DCHS2: variants seen among roughly 807,000 people sequenced by gnomAD.
The protein encoded by DCHS2 is dachsous cadherin-related 2.
DCHS2 carries 142 observed loss-of-function variants against 182.4 expected under a neutral mutation model. That is an observed-to-expected ratio of 0.78 (90% CI 0.68 to 0.89). The LOEUF is 0.89. Ranked by LOEUF, DCHS2 falls within the 40% of genes least tolerant of loss-of-function variation. The pLI is 0.00. For missense variants in DCHS2, 4,319 were observed against 4,198.6 expected (o/e 1.03, Z -0.79); for synonymous variants, 1,740 against 1,663.3 (o/e 1.05, Z -1.12).
At chr4:154,336,726 T>A (rs1489231917) in intron 3 of DCHS2, among the ~76,000 whole-genome samples, 1 of 152,190 alleles carries the variant, frequency 6.6e-6, no homozygotes, top group Non-Finnish European at 1.5e-5. Flanking sequence ...ATTTTCCTTT[T>A]TTCCCCAGCT....
chr4:154,387,492 A>G (rs1561083602), intron 1 of DCHS2, among the ~76,000 whole-genome samples: 1 of 152,212 alleles, frequency 6.6e-6, no homozygotes, highest in African/African-American at 2.4e-5. Context: ...GGCAAAGTAC[A>G]TGAGGAAAAA....
chr4:154,253,129 G>A (rs975773347), intron 16 of DCHS2, among the ~76,000 whole-genome samples: 1 of 151,812 alleles, frequency 6.6e-6, no homozygotes, highest in African/African-American at 2.4e-5. Context: ...AGAGCCCAGG[G>A]AGGAAGGAGG....
At chr4:154,313,149 G>A (rs1413517201) in intron 10 of DCHS2, among the ~76,000 whole-genome samples, 1 of 152,150 alleles carries the variant, frequency 6.6e-6, no homozygotes, top group African/African-American at 2.4e-5. Context: ...ACACCTTTGA[G>A]CGAATGTGAG....
chr4:154,428,444 C>T (rs1733423807), intron 1 of DCHS2, among the ~76,000 whole-genome samples: 1 of 151,868 alleles, frequency 6.6e-6, no homozygotes, highest in Non-Finnish European at 1.5e-5. Context: ...GAGGCAGAGG[C>T]AGGAGGATTG....
chr4:154,480,633 CAAATTACTG>C (rs1735883991), intron 1 of DCHS2, among the ~76,000 whole-genome samples: 2 of 152,070 alleles, frequency 1.3e-5, no homozygotes, highest in Non-Finnish European at 2.9e-5. Flanking sequence ...GCAATAATTA[CAAATTACTG>C]TAGTCATTTA....
At chr4:154,281,773 C>A (rs995729580) in intron 13 of DCHS2, among the ~76,000 whole-genome samples, 1 of 151,982 alleles carries the variant, frequency 6.6e-6, no homozygotes, top group Non-Finnish European at 1.5e-5. Flanking sequence ...TTACTGACTT[C>A]GAAACAGTTT....
intron 1 of DCHS2, among the ~76,000 whole-genome samples, chr4:154,466,512 C>T (rs1430720300): frequency 2.6e-5 from 4 of 152,164 alleles, no homozygotes; most frequent in African/African-American, 4.8e-5. Flanking sequence ...CCTCATCCCT[C>T]GAGACCGCTT....
chr4:154,259,496 A>G (rs1560991060), intron 15 of DCHS2, 49 bp downstream of exon 15: 2 of 1,583,688 alleles, frequency 1.3e-6, no homozygotes, highest in Admixed American at 3.5e-5. Context: ...TCACACAGAC[A>G]CACCCACACA....
intron 14 of DCHS2, among the ~76,000 whole-genome samples, chr4:154,266,721 T>C (rs549562766): frequency 1.3e-5 from 2 of 152,224 alleles, no homozygotes; most frequent in South Asian, 4.1e-4. Flanking sequence ...GTTATAATCC[T>C]GTGATCATAT....
At chr4:154,304,935 T>A (rs1425018961) in intron 11 of DCHS2, 57 bp from the exon 12 acceptor site, 1 of 1,538,652 alleles carries the variant, frequency 6.5e-7, no homozygotes, top group African/African-American at 1.4e-5. Context: ...ACCTAAAATA[T>A]GTTGTTCTAA....
At position 154,491,282 on chromosome 4, in the gene DCHS2, A is replaced by T; in HGVS notation, c.74T>A (p.Leu25His). 1 of 1,549,366 alleles carries T rather than the reference A, an allele frequency of 6.5e-7. No homozygotes were observed. The highest frequency in any genetic ancestry group is 8.7e-7 in the Non-Finnish European group (1 of 1,145,674). ...ATGGGGTGTATCTCTCCTCCCGGGG[A>T]GCAGAAGGAGCTTCCCGACCGGAGC... ...RRAPVGKLLL[L>H]PGRRDTPHGR... The change falls in exon 1 of 20, where the codon CTC becomes CAC. Residue 25 changes from leucine to histidine, a missense_variant. Coordinates refer to ENST00000357232, the MANE Select transcript of DCHS2 (RefSeq NM_001358235.2).
At chr4:154,373,907 TCATG>T in intron 2 of DCHS2, 1 of 1,593,988 alleles carries the variant, frequency 6.3e-7, no homozygotes, top group Non-Finnish European at 8.6e-7. Flanking sequence ...TATAGAAACA[TCATG>T]TTCCTTACCT....
At chr4:154,485,043 C>T (rs1363541567) in intron 1 of DCHS2, among the ~76,000 whole-genome samples, 1 of 152,186 alleles carries the variant, frequency 6.6e-6, no homozygotes, top group East Asian at 1.9e-4. Context: ...GCTCTACAAA[C>T]CACTTTCTAC....
intron 10 of DCHS2, among the ~76,000 whole-genome samples, chr4:154,307,431 A>ATG (rs1405070159): frequency 2.0e-4 from 17 of 83,180 alleles, no homozygotes; most frequent in African/African-American, 4.7e-4. Context: ...ACATACACAG[A>ATG]TGTGCGCGCG....
chr4:154,344,791 T>A lies in DCHS2; in HGVS notation c.2477-9687A>T, dbSNP rs569599623. ...CATCCCTGTGCAGCTGAGACTCAGG[T>A]GTCTCAGAGGATTAGTGCAGAGCTA... On this transcript the variant is annotated intron_variant, in intron 3 of 19. Transcript: ENST00000357232. Among the ~76,000 whole-genome samples the A allele has an allele frequency of 2.0e-5, 3 of 152,236 alleles. No homozygotes were observed. In the South Asian group the frequency reaches 6.2e-4, roughly 32 times the overall value.
intron 14 of DCHS2, among the ~76,000 whole-genome samples, chr4:154,265,691 T>A (rs539705918): frequency 3.3e-5 from 5 of 151,904 alleles, no homozygotes; most frequent in African/African-American, 7.2e-5. Context: ...AAGAGAGACA[T>A]AAAGTGATGT....
chr4:154,361,900 C>T lies in DCHS2; in HGVS notation c.2476+4310G>A, dbSNP rs76950183. 5.1e-3 allele frequency among the ~76,000 whole-genome samples: 775 copies of T among 151,572 alleles called. 3 individuals carry two copies. The highest frequency in any genetic ancestry group is 9.1e-3 in the Non-Finnish European group (621 of 67,900). On this transcript the variant is annotated intron_variant, in intron 3 of 19. Coordinates refer to ENST00000357232, the MANE Select transcript of DCHS2 (RefSeq NM_001358235.2). The stretch of plus-strand genomic sequence containing the variant: ...GAAAACACAAGCCTATAACAGAAAG[C>T]ATGTAAGTTTATAAAATAGCATGTC...
rs1395854210 is a variant in DCHS2 at position 154,370,093 on chromosome 4, C to T, written c.2245-3652G>A. ...GTGAGCTTTCTATGTCAATGAACTC[C>T]AGTCTATATTTCATGATTCAATAAA... On this transcript the variant is annotated intron_variant, in intron 2 of 19. Coordinates refer to ENST00000357232, the MANE Select transcript of DCHS2 (RefSeq NM_001358235.2). Among the ~76,000 whole-genome samples, 3 of 152,024 alleles carry T rather than the reference C, an allele frequency of 2.0e-5. No homozygotes were observed. In the East Asian group the frequency reaches 5.8e-4, roughly 29 times the overall value.
At chr4:154,378,811 C>T (rs1194434022) in intron 1 of DCHS2, among the ~76,000 whole-genome samples, 1 of 152,122 alleles carries the variant, frequency 6.6e-6, no homozygotes, top group Admixed American at 6.6e-5. Context: ...AGTCTGACAC[C>T]TTGTCATATA....
Sources: allele counts gnomAD v4.1 joint callset (sites outside exome capture counted in the v4.1 genomes callset), GRCh38; gene constraint gnomAD v4.1.1; transcripts MANE v1.5; gene names NCBI Gene and HGNC (gene_info 2026-07-23, HGNC 2026-07-21).